EXOC4: variants seen among roughly 807,000 people sequenced by gnomAD.
The protein encoded by EXOC4 is SEC8-like 1.
Under a neutral mutation model 107.2 loss-of-function variants are expected in EXOC4, and 71 were observed. That is an observed-to-expected ratio of 0.66 (90% CI 0.55 to 0.81). The LOEUF (loss-of-function observed/expected upper bound fraction) is 0.81. Among genes scored for constraint, EXOC4 ranks in the 30% least tolerant of loss-of-function variants. The pLI is 0.00. For synonymous variants in EXOC4, 456 were observed against 441.2 expected, an observed-to-expected ratio of 1.03 and a Z score of -0.42; for missense variants, 1,108 against 1,189.6, an observed-to-expected ratio of 0.93 and a Z score of 1.01.
At chr7:133,492,562 A>G (rs898014192) in intron 9 of EXOC4, among the ~76,000 whole-genome samples, 3 of 152,190 alleles carry the variant, frequency 2.0e-5, no homozygotes, top group African/African-American at 7.2e-5. Context: ...ACTCATAACC[A>G]TTCCTCTTCT....
chr7:134,047,575 G>T (rs1185056463), intron 17 of EXOC4, among the ~76,000 whole-genome samples: 1 of 151,918 alleles, frequency 6.6e-6, no homozygotes, highest in African/African-American at 2.4e-5. Flanking sequence ...CTCCTGCTAT[G>T]TAACAGTGAC....
At chr7:133,530,276 A>G (rs1800157228) in intron 9 of EXOC4, among the ~76,000 whole-genome samples, 1 of 152,194 alleles carries the variant, frequency 6.6e-6, no homozygotes, top group African/African-American at 2.4e-5. Context: ...TAATGGATAT[A>G]CAATCATGCA....
the EXOC4 span, among the ~76,000 whole-genome samples, chr7:134,076,120 T>C: frequency 6.6e-6 from 1 of 152,022 alleles, no homozygotes; most frequent in African/African-American, 2.4e-5. Flanking sequence ...AGAGAACTAG[T>C]TGAGTGGAGG....
chr7:134,094,829 T>G, the EXOC4 span, among the ~76,000 whole-genome samples: 1 of 151,924 alleles, frequency 6.6e-6, no homozygotes, highest in Non-Finnish European at 1.5e-5. Flanking sequence ...CAAAGGAACA[T>G]ATCTATGACA....
intron 5 of EXOC4, among the ~76,000 whole-genome samples, chr7:133,321,631 G>A (rs1795114656): frequency 6.6e-6 from 1 of 152,162 alleles, no homozygotes. Context: ...ATCATTGATG[G>A]ACATTTGGGT....
At chr7:133,626,155 T>C (rs1354426859) in intron 9 of EXOC4, among the ~76,000 whole-genome samples, 2 of 151,826 alleles carry the variant, frequency 1.3e-5, no homozygotes, top group Non-Finnish European at 2.9e-5. Context: ...TGCAGTGAAC[T>C]GAGATCTCAC....
At chr7:133,300,555 A>C (rs933383242) in intron 3 of EXOC4, among the ~76,000 whole-genome samples, 3 of 152,212 alleles carry the variant, frequency 2.0e-5, no homozygotes, top group Non-Finnish European at 2.9e-5. Context: ...GCTGTAAACA[A>C]AAGTTACGTG....
downstream of EXOC4, among the ~76,000 whole-genome samples, chr7:134,067,989 A>G (rs141703838): frequency 5.9e-5 from 9 of 152,268 alleles, no homozygotes; most frequent in East Asian, 1.7e-3. Flanking sequence ...TTGGTTCCTC[A>G]GGTTGCTCTT....
At chr7:133,871,661 TCTC>T (rs1465621665) in intron 11 of EXOC4, among the ~76,000 whole-genome samples, 1 of 152,088 alleles carries the variant, frequency 6.6e-6, no homozygotes, top group Non-Finnish European at 1.5e-5. Flanking sequence ...CCCATCCTCT[TCTC>T]CTTCCTCCTG....
At chr7:133,636,643 G>A (rs1288059803) in intron 10 of EXOC4, among the ~76,000 whole-genome samples, 1 of 152,152 alleles carries the variant, frequency 6.6e-6, no homozygotes, top group Admixed American at 6.6e-5. Flanking sequence ...CATTCAAATT[G>A]CAAAGTGTTA....
At chr7:133,350,445 G>A (rs1166504831) in intron 5 of EXOC4, among the ~76,000 whole-genome samples, 1 of 152,022 alleles carries the variant, frequency 6.6e-6, no homozygotes, top group Non-Finnish European at 1.5e-5. Flanking sequence ...CCCATTGAAT[G>A]GTCTTGGTAT....
At chr7:133,572,690 A>G (rs1307588817) in intron 9 of EXOC4, among the ~76,000 whole-genome samples, 1 of 151,964 alleles carries the variant, frequency 6.6e-6, no homozygotes, top group Non-Finnish European at 1.5e-5. Context: ...TAGTGTAGAT[A>G]CATTATTGAA....
At chr7:133,471,339 G>A (rs1166723042) in intron 7 of EXOC4, among the ~76,000 whole-genome samples, 2 of 151,730 alleles carry the variant, frequency 1.3e-5, no homozygotes, top group African/African-American at 4.8e-5. Flanking sequence ...TTGAACCTGG[G>A]AGGTGGAGGT....
chr7:133,279,758 A>G (rs1409284006), intron 2 of EXOC4, among the ~76,000 whole-genome samples: 1 of 151,884 alleles, frequency 6.6e-6, no homozygotes, highest in African/African-American at 2.4e-5. Flanking sequence ...GCCTCAAGTG[A>G]TCCTCCTGCC....
At chr7:133,838,712 C>T (rs1797967300) in intron 11 of EXOC4, among the ~76,000 whole-genome samples, 1 of 152,176 alleles carries the variant, frequency 6.6e-6, no homozygotes, top group Non-Finnish European at 1.5e-5. Flanking sequence ...AGGCTGTAGA[C>T]CAGGAGTCAG....
chr7:133,530,312 C>T (rs1800157936), intron 9 of EXOC4, among the ~76,000 whole-genome samples: 1 of 152,144 alleles, frequency 6.6e-6, no homozygotes, highest in African/African-American at 2.4e-5. Context: ...GACACACTCC[C>T]AGAAGTGTGT....
the EXOC4 span, among the ~76,000 whole-genome samples, chr7:134,099,841 G>A: frequency 1.1e-4 from 16 of 152,082 alleles, no homozygotes; most frequent in African/African-American, 3.9e-4. Flanking sequence ...CAAGTAGCTG[G>A]GATTACAGGT....
chr7:133,523,724 A>C (rs1800025883), intron 9 of EXOC4, among the ~76,000 whole-genome samples: 1 of 152,036 alleles, frequency 6.6e-6, no homozygotes, highest in Admixed American at 6.6e-5. Flanking sequence ...TAGTTTACTG[A>C]GAATGATGAT....
At chr7:134,048,754 T>C (rs754397857) in intron 17 of EXOC4, among the ~76,000 whole-genome samples, 18 of 152,212 alleles carry the variant, frequency 1.2e-4, no homozygotes, top group Non-Finnish European at 2.5e-4. Flanking sequence ...TGATGTGTTG[T>C]TCTTTACTGA....
Sources: gnomAD v4.1 joint callset for allele counts (sites outside exome capture counted in the v4.1 genomes callset) on GRCh38, gnomAD v4.1.1 for gene constraint, MANE v1.5 for transcripts, NCBI Gene and HGNC (gene_info 2026-07-23, HGNC 2026-07-21) for gene names.